BBS9: variants seen among roughly 807,000 people sequenced by gnomAD.
BBS9 encodes the protein Bardet-Biedl syndrome 9.
A neutral mutation model predicts 117.7 loss-of-function variants in BBS9; 89 were observed. That is an observed-to-expected ratio of 0.76 (90% CI 0.64 to 0.90). The LOEUF (loss-of-function observed/expected upper bound fraction) is 0.90. Among genes scored for constraint, BBS9 ranks in the 40% least tolerant of loss-of-function variants. The pLI, the probability that BBS9 is intolerant of heterozygous loss-of-function variation, is 0.00. For synonymous variants in BBS9, 379 were observed against 370.9 expected, an observed-to-expected ratio of 1.02 and a Z score of -0.25; for missense variants, 982 against 1,042.2, an observed-to-expected ratio of 0.94 and a Z score of 0.80.
chr7:33,398,763 G>A (rs542763886), intron 19 of BBS9, among the ~76,000 whole-genome samples: 8 of 152,136 alleles, frequency 5.3e-5, no homozygotes, highest in Non-Finnish European at 1.2e-4. Context: ...TTTTGAGACA[G>A]AGTCTCGCCC....
At chr7:33,534,388 C>G (rs946814144) in intron 21 of BBS9, 12 of 600,046 alleles carry the variant, frequency 2.0e-5, no homozygotes, top group Non-Finnish European at 3.3e-5. Flanking sequence ...AATGGTATGT[C>G]TTTTTTCTTC....
At chr7:33,205,969 G>T (rs1212109587) in intron 5 of BBS9, among the ~76,000 whole-genome samples, 2 of 152,148 alleles carry the variant, frequency 1.3e-5, no homozygotes, top group Non-Finnish European at 2.9e-5. Context: ...ATTAAGTCCA[G>T]TAGTCACCTA....
chr7:33,490,147 T>A (rs1415539205), intron 19 of BBS9, among the ~76,000 whole-genome samples: 1 of 152,170 alleles, frequency 6.6e-6, no homozygotes, highest in Non-Finnish European at 1.5e-5. Context: ...GCTCTCATCC[T>A]CATATAGTCT....
At chr7:33,190,217 T>G (rs1396619952) in intron 5 of BBS9, among the ~76,000 whole-genome samples, 1 of 151,412 alleles carries the variant, frequency 6.6e-6, no homozygotes, top group Non-Finnish European at 1.5e-5. Context: ...CCTCCCGGGT[T>G]CACGCCATTC....
intron 17 of BBS9, among the ~76,000 whole-genome samples, chr7:33,370,784 C>T (rs1822714444): frequency 6.6e-6 from 1 of 152,202 alleles, no homozygotes; most frequent in East Asian, 1.9e-4. Flanking sequence ...CCAGTCTCTC[C>T]TGCCCCTTTC....
chr7:33,621,157 G>T (rs1865385395), intron 21 of BBS9, among the ~76,000 whole-genome samples: 1 of 152,094 alleles, frequency 6.6e-6, no homozygotes, highest in South Asian at 2.1e-4. Context: ...GATCTGGGCA[G>T]TGATTATTTG....
intron 5 of BBS9, among the ~76,000 whole-genome samples, chr7:33,243,614 A>C (rs1794883461): frequency 6.6e-6 from 1 of 152,172 alleles, no homozygotes; most frequent in South Asian, 2.1e-4. Flanking sequence ...CTGAATAGGA[A>C]CCAGTTTTTC....
At chr7:33,428,305 T>C (rs1180299149) in intron 19 of BBS9, among the ~76,000 whole-genome samples, 1 of 152,140 alleles carries the variant, frequency 6.6e-6, no homozygotes, top group Admixed American at 6.5e-5. Flanking sequence ...TCCCATTGAG[T>C]CAATATGCCG....
At chr7:33,394,911 G>T (rs1827686534) in intron 19 of BBS9, among the ~76,000 whole-genome samples, 1 of 152,162 alleles carries the variant, frequency 6.6e-6, no homozygotes. Flanking sequence ...GAGACTCTGA[G>T]TAGAGTTAAG....
chr7:33,499,796 G>C (rs1260187126), intron 19 of BBS9, among the ~76,000 whole-genome samples: 2 of 152,102 alleles, frequency 1.3e-5, no homozygotes, highest in Non-Finnish European at 2.9e-5. Context: ...TTATAATTAA[G>C]TGAGATTATT....
At chr7:33,542,695 A>G (rs907899603) in intron 21 of BBS9, among the ~76,000 whole-genome samples, 2 of 96,854 alleles carry the variant, frequency 2.1e-5, no homozygotes, top group East Asian at 7.0e-4. Flanking sequence ...ATTCCATTAT[A>G]TATATGTGTG....
intron 19 of BBS9, among the ~76,000 whole-genome samples, chr7:33,492,221 A>AAAAAAC (rs1563251743): frequency 6.7e-6 from 1 of 148,512 alleles, no homozygotes; most frequent in Non-Finnish European, 1.5e-5. Context: ...AAACAAAAAA[A>AAAAAAC]AAACAAAAAA....
chr7:33,166,763 C>T (rs563678706), intron 4 of BBS9, among the ~76,000 whole-genome samples: 2 of 152,190 alleles, frequency 1.3e-5, no homozygotes, highest in Non-Finnish European at 2.9e-5. Context: ...GCAGGAGTGT[C>T]CCGTTTTTCC....
chr7:33,520,985 A>C (rs1848509859), intron 20 of BBS9, among the ~76,000 whole-genome samples: 1 of 151,812 alleles, frequency 6.6e-6, no homozygotes, highest in African/African-American at 2.4e-5. Context: ...AATTTGATTT[A>C]CCAGTCTTTA....
intron 9 of BBS9, among the ~76,000 whole-genome samples, chr7:33,285,984 A>G (rs1187649962): frequency 1.3e-5 from 2 of 151,932 alleles, no homozygotes; most frequent in Admixed American, 1.3e-4. Flanking sequence ...ACAGTTCCAG[A>G]TTGTTTGATT....
chr7:33,159,188 A>G (rs1794490794), intron 4 of BBS9, among the ~76,000 whole-genome samples: 1 of 152,140 alleles, frequency 6.6e-6, no homozygotes. Context: ...ACTTGATTTA[A>G]CAATTTTCCT....
chr7:33,433,529 A>G (rs1193129828), intron 19 of BBS9, among the ~76,000 whole-genome samples: 2 of 152,286 alleles, frequency 1.3e-5, no homozygotes, highest in African/African-American at 4.8e-5. Context: ...TTATAACATC[A>G]TAATATTGAT....
At chr7:33,213,152 T>G (rs1277643146) in intron 5 of BBS9, among the ~76,000 whole-genome samples, 2 of 152,182 alleles carry the variant, frequency 1.3e-5, no homozygotes, top group Admixed American at 6.5e-5. Context: ...GAAATTTGCC[T>G]GATGTTCAAT....
chr7:33,410,735 TTTGTC>T (rs1830967336), intron 19 of BBS9, among the ~76,000 whole-genome samples: 3 of 152,176 alleles, frequency 2.0e-5, no homozygotes, highest in Non-Finnish European at 4.4e-5. Context: ...TAAAAGCCAG[TTTGTC>T]TGGCTGTTAT....
Sources: allele counts gnomAD v4.1 joint callset (sites outside exome capture counted in the v4.1 genomes callset), GRCh38; gene constraint gnomAD v4.1.1; transcripts MANE v1.5; gene names NCBI Gene and HGNC (gene_info 2026-07-23, HGNC 2026-07-21).